RUNX1: variants seen among roughly 807,000 people sequenced by gnomAD.
RUNX1 encodes the protein RUNX family transcription factor 1.
Under a neutral mutation model 42.8 loss-of-function variants are expected in RUNX1, and 19 were observed. The observed-to-expected ratio is 0.44, with a 90% confidence interval of 0.31 to 0.65. The LOEUF is 0.65. Among genes scored for constraint, RUNX1 ranks in the 30% least tolerant of loss-of-function variants. The pLI, the probability that RUNX1 is intolerant of heterozygous loss-of-function variation, is 0.07. For missense variants in RUNX1, 528 were observed against 672.0 expected, an observed-to-expected ratio of 0.79 and a Z score of 2.37; for synonymous variants, 271 against 289.4, an observed-to-expected ratio of 0.94 and a Z score of 0.64.
chr21:34,989,208 C>T (rs1451173017), intron 2 of RUNX1, among the ~76,000 whole-genome samples: 1 of 151,984 alleles, frequency 6.6e-6, no homozygotes, highest in Non-Finnish European at 1.5e-5. Flanking sequence ...GGGGTTTCTC[C>T]ATATTGGCCA....
chr21:34,868,722 A>ATTAAG (rs2146289977), intron 5 of RUNX1, among the ~76,000 whole-genome samples: 1 of 152,320 alleles, frequency 6.6e-6, no homozygotes, highest in South Asian at 2.1e-4. Context: ...TCTACTCACA[A>ATTAAG]CAGGGATGGC....
chr21:34,850,358 T>C (rs2057400607), intron 6 of RUNX1, among the ~76,000 whole-genome samples: 1 of 152,166 alleles, frequency 6.6e-6, no homozygotes, highest in African/African-American at 2.4e-5. Context: ...TGGTCACTGA[T>C]TTAGGAAACT....
intron 5 of RUNX1, among the ~76,000 whole-genome samples, chr21:34,870,084 C>T (rs1402204493): frequency 6.6e-6 from 1 of 152,152 alleles, no homozygotes; most frequent in African/African-American, 2.4e-5. Flanking sequence ...CGCATATAAC[C>T]CTTTCACGAC....
At chr21:34,929,102 C>G (rs2058420755) in intron 2 of RUNX1, among the ~76,000 whole-genome samples, 1 of 152,058 alleles carries the variant, frequency 6.6e-6, no homozygotes, top group Non-Finnish European at 1.5e-5. Context: ...CAACTTGTCA[C>G]CAGAAAAATG....
At chr21:34,848,255 T>C (rs1043963741) in intron 6 of RUNX1, among the ~76,000 whole-genome samples, 1 of 152,246 alleles carries the variant, frequency 6.6e-6, no homozygotes, top group Non-Finnish European at 1.5e-5. Context: ...AAGCCAGCTC[T>C]GGAGCTTCGC....
At chr21:35,040,209 G>A (rs2059347197) in intron 2 of RUNX1, among the ~76,000 whole-genome samples, 1 of 152,144 alleles carries the variant, frequency 6.6e-6, no homozygotes, top group Non-Finnish European at 1.5e-5. Flanking sequence ...GTGGAATGAG[G>A]GGCTCAGTGC....
At chr21:34,826,184 C>A (rs913849085) in intron 7 of RUNX1, among the ~76,000 whole-genome samples, 2 of 152,096 alleles carry the variant, frequency 1.3e-5, no homozygotes, top group Non-Finnish European at 2.9e-5. Context: ...GTTGATGAGG[C>A]CTTTGCAGGG....
intron 2 of RUNX1, among the ~76,000 whole-genome samples, chr21:34,895,540 T>C (rs2058123239): frequency 6.6e-6 from 1 of 151,910 alleles, no homozygotes; most frequent in South Asian, 2.1e-4. Flanking sequence ...CTTTTGGAGG[T>C]TGGGTAGATT....
chr21:34,851,791 T>A (rs1289245148), intron 6 of RUNX1, among the ~76,000 whole-genome samples: 1 of 152,230 alleles, frequency 6.6e-6, no homozygotes, highest in Non-Finnish European at 1.5e-5. Flanking sequence ...GGTGCCTAGA[T>A]CATCTCTTTG....
At chr21:35,033,613 C>T (rs2059288069) in intron 2 of RUNX1, among the ~76,000 whole-genome samples, 1 of 152,264 alleles carries the variant, frequency 6.6e-6, no homozygotes, top group South Asian at 2.1e-4. Flanking sequence ...CCAGAAATTT[C>T]GGGAGAAATT....
chr21:34,804,362 G>A (rs2056650074), intron 7 of RUNX1, among the ~76,000 whole-genome samples: 1 of 152,128 alleles, frequency 6.6e-6, no homozygotes, highest in Admixed American at 6.5e-5. Flanking sequence ...TGACTAAGGA[G>A]GAGTTCATAG....
intron 2 of RUNX1, among the ~76,000 whole-genome samples, chr21:34,969,865 G>A (rs1007304551): frequency 6.6e-6 from 1 of 152,084 alleles, no homozygotes; most frequent in South Asian, 2.1e-4. Context: ...CTGGTGTCAC[G>A]CTTACTTTGC....
At chr21:34,994,779 AC>A (rs2058980792) in intron 2 of RUNX1, among the ~76,000 whole-genome samples, 1 of 152,232 alleles carries the variant, frequency 6.6e-6, no homozygotes, top group Non-Finnish European at 1.5e-5. Flanking sequence ...ATATATGCAG[AC>A]TTTTGTGGTT....
At chr21:34,830,538 A>T (rs986925999) in intron 7 of RUNX1, among the ~76,000 whole-genome samples, 17 of 152,126 alleles carry the variant, frequency 1.1e-4, no homozygotes, top group African/African-American at 4.1e-4. Flanking sequence ...GGTGATTGGG[A>T]TTCTTCTCGA....
intron 7 of RUNX1, among the ~76,000 whole-genome samples, chr21:34,815,242 G>C (rs1055155094): frequency 6.6e-6 from 1 of 152,214 alleles, no homozygotes; most frequent in Admixed American, 6.5e-5. Context: ...TGCTGACCCA[G>C]ACTTTTTTTT....
chr21:34,834,647 G>A lies in RUNX1; in HGVS notation c.614-46C>T, dbSNP rs1368912947. On this transcript the variant is annotated intron_variant, in intron 6 of 8. Coordinates refer to ENST00000675419, the MANE Select transcript of RUNX1 (RefSeq NM_001754.5). ...GGGAGGGGATGGGGGGAGGGAAGGA[G>A]GGAGGGAAGAGATCAGAAAAAGTAT... 6.2e-6 allele frequency: 9 copies of A among 1,451,602 alleles called. No homozygotes were observed. The South Asian group carries it at 6.8e-5, about 11-fold the overall frequency. The allele number at this position is 1,451,602 out of a possible 1,614,324, so 89.9% of individuals were successfully genotyped here. A position where few individuals can be genotyped will look rare whatever the true frequency, so the allele number is the denominator to read the frequency against.
chr21:34,884,097 A>G (rs185006768), intron 4 of RUNX1, among the ~76,000 whole-genome samples: 13 of 152,314 alleles, frequency 8.5e-5, no homozygotes, highest in Admixed American at 2.0e-4. Flanking sequence ...AAGTCATCAA[A>G]ACAGCTTTTT....
intron 2 of RUNX1, among the ~76,000 whole-genome samples, chr21:35,023,973 C>G (rs527987557): frequency 4.0e-5 from 6 of 149,540 alleles, no homozygotes; most frequent in African/African-American, 1.2e-4. Context: ...TACATATATA[C>G]TATATACTAA....
At chr21:34,958,476 A>T (rs1391621853) in intron 2 of RUNX1, among the ~76,000 whole-genome samples, 1 of 152,230 alleles carries the variant, frequency 6.6e-6, no homozygotes, top group Non-Finnish European at 1.5e-5. Context: ...CCATCAGAGA[A>T]ATGCAAATCA....
Sources: gnomAD v4.1 joint callset for allele counts (sites outside exome capture counted in the v4.1 genomes callset) on GRCh38, gnomAD v4.1.1 for gene constraint, MANE v1.5 for transcripts, NCBI Gene and HGNC (gene_info 2026-07-23, HGNC 2026-07-21) for gene names.